The following ADCK2 variants were observed in gnomAD, a reference collection of about 807,000 sequenced individuals.
ADCK2 encodes uncharacterized aarF domain-containing protein kinase 2.
Under a neutral mutation model 52.3 loss-of-function variants are expected in ADCK2, and 37 were observed. The ratio of observed to expected loss-of-function variants is 0.71; its 90% CI spans 0.54 to 0.93. The LOEUF (loss-of-function observed/expected upper bound fraction) is 0.93, where lower values mean the gene tolerates loss of function less well. Ranked by LOEUF, ADCK2 falls within the 40% of genes least tolerant of loss-of-function variation. The pLI, the probability that ADCK2 is intolerant of heterozygous loss-of-function variation, is 0.00. For missense variants in ADCK2, 695 were observed against 798.7 expected (o/e 0.87, Z 1.56); for synonymous variants, 321 against 349.2 (o/e 0.92, Z 0.90).
In ADCK2 at chr7:140,681,054, G is replaced by C; in HGVS notation, c.1222G>C (p.Val408Leu). 1 of 1,614,116 alleles carries C rather than the reference G, an allele frequency of 6.2e-7. No individual in the cohort carries two copies. Among genetic ancestry groups the C allele is most frequent in the Non-Finnish European group, 8.5e-7 (1 of 1,180,010 alleles). ...GGTCTTTCTGAAGGAGAGTGTGCCT[G>C]TGTCCAGTTACCAGCAGGCAGGAAT... The part of the protein sequence containing the change: ...LVETYEESVP[V>L]SSYQQAGIPV... The change falls in exon 4 of 8, where the codon GTG (valine) becomes CTG (leucine). Residue 408 changes from valine to leucine, a missense_variant. Coordinates refer to ENST00000072869, the MANE Select transcript of ADCK2 (RefSeq NM_052853.4).
intron 5 of ADCK2, 31 bp downstream of exon 5, chr7:140,687,272 G>T: frequency 6.6e-7 from 1 of 1,519,942 alleles, no homozygotes; most frequent in Non-Finnish European, 8.9e-7. Flanking sequence ...AGAAGTTGGG[G>T]TGAATTTTTT....
At chr7:140,680,286 T>C (rs1422584197) in intron 3 of ADCK2, among the ~76,000 whole-genome samples, 1 of 151,664 alleles carries the variant, frequency 6.6e-6, no homozygotes, top group Non-Finnish European at 1.5e-5. Flanking sequence ...GCTGGGACCA[T>C]AGGCACGAGC....
rs1196833825 is a variant in ADCK2, at chr7:140,682,989, ACT to A, written c.1305+1855_1305+1856del. Among the ~76,000 whole-genome samples, 3 of 115,156 alleles carry A rather than the reference ACT, an allele frequency of 2.6e-5. No individual in the cohort carries two copies. In the East Asian group the frequency reaches 7.4e-4, roughly 28 times the overall value. 75.5% of individuals were successfully genotyped at this position (115,156 alleles called of 152,430 possible). ...GCACTCCAACCTCAGATACAATGAG[ACT>A]CTGTCTCAAAAAAAAAAAAAAAAAA... On this transcript the variant is annotated intron_variant, in intron 4 of 7. Coordinates refer to ENST00000072869, the MANE Select transcript of ADCK2 (RefSeq NM_052853.4).
Position 140,674,160 on chromosome 7 carries a change from T to C in ADCK2, c.830T>C (p.Leu277Pro). 1 of 1,614,022 alleles carries C rather than the reference T, an allele frequency of 6.2e-7. No individual in the cohort carries two copies. The highest frequency in any genetic ancestry group is 8.5e-7 in the Non-Finnish European group (1 of 1,180,026). The change falls in exon 1 of 8, where the codon CTC (leucine) becomes CCC (proline). Residue 277 changes from leucine (L) to proline (P), a missense_variant. By Grantham distance (98) the Leu-to-Pro change is moderately conservative. Transcript: ENST00000072869. The surrounding 1 kb of genome is among the most constrained non-coding windows in gnomAD (Gnocchi z 4.6). The part of the protein sequence containing the change: ...LADQSFLERL[L>P]LPKADLVGSN... ...GACCAGTCGTTTCTAGAAAGGCTGC[T>C]CCTCCCTAAAGCTGACCTGGTTGGA... is the stretch of plus-strand genomic sequence containing the variant.
chr7:140,679,115 C>T, intron 2 of ADCK2, 40 bp from the exon 3 acceptor site: 1 of 1,608,962 alleles, frequency 6.2e-7, no homozygotes, highest in Non-Finnish European at 8.5e-7. Flanking sequence ...TGTGCCTGTA[C>T]CCAGACTAGC....
At chr7:140,691,778 C>T (rs1259220017) in intron 7 of ADCK2, among the ~76,000 whole-genome samples, 1 of 152,242 alleles carries the variant, frequency 6.6e-6, no homozygotes. Flanking sequence ...AATTTATCCC[C>T]TCAGTCTTCC....
At chr7:140,687,272 G>A in intron 5 of ADCK2, 31 bp downstream of exon 5, 5 of 1,519,942 alleles carry the variant, frequency 3.3e-6, no homozygotes, top group Non-Finnish European at 4.4e-6. Flanking sequence ...AGAAGTTGGG[G>A]TGAATTTTTT....
At position 140,673,486 on chromosome 7, in the gene ADCK2, C is replaced by A; in HGVS notation, c.156C>A (p.Ser52=). 3 of 1,607,212 alleles carry A rather than the reference C, an allele frequency of 1.9e-6. No individual in the cohort carries two copies. Among genetic ancestry groups the A allele is most frequent in the Non-Finnish European group, 2.5e-6 (3 of 1,178,084 alleles). Residue 52 remains serine, a synonymous_variant, in exon 1 of 8, where the codon TCC becomes TCA. Coordinates refer to ENST00000072869, the MANE Select transcript of ADCK2 (RefSeq NM_052853.4). The surrounding 1 kb of genome is among the most constrained non-coding windows in gnomAD (Gnocchi z 6.4). ...TGGGCACTTTGCCCAAGGTCGTCTC[C>A]CTGTGCGGGGACGTGGGTGAGGGGG... is the stretch of plus-strand genomic sequence containing the variant. ...LLLGTLPKVV[S]LCGDVGEGAP... is the part of the protein sequence containing the mutation.
intron 4 of ADCK2, among the ~76,000 whole-genome samples, chr7:140,684,989 C>G (rs115085519): frequency 6.6e-6 from 1 of 151,828 alleles, no homozygotes; most frequent in African/African-American, 2.4e-5. Flanking sequence ...AGGAGTGGAG[C>G]GAGGATGAGG....
At position 140,674,600 on chromosome 7, in the gene ADCK2, C is replaced by T; in HGVS notation, c.934-11C>T. 6.2e-7 allele frequency: 1 copy of T among 1,603,982 alleles called. No homozygotes were observed. The highest frequency in any genetic ancestry group is 8.5e-7 in the Non-Finnish European group (1 of 1,172,482). ...AGGTTTCTCCTGTCTCACGGTTCCT[C>T]TTTCTGACAGGTGTTGCACCCTGGC... On this transcript the variant is annotated splice_polypyrimidine_tract_variant and intron_variant, in intron 1 of 7. Transcript: ENST00000072869. This position sits in a 1 kb window ranked among gnomAD's most constrained non-coding sequence, Gnocchi z 4.6.
chr7:140,679,017 G>A (rs1464118577), intron 2 of ADCK2, 138 bp from the exon 3 acceptor site: 1 of 1,144,138 alleles, frequency 8.7e-7, no homozygotes, highest in African/African-American at 1.6e-5. Context: ...CGCCTCCTGA[G>A]TTTCTGGGCA....
intron 5 of ADCK2, 122 bp from the exon 6 acceptor site, chr7:140,689,475 G>T: frequency 1.6e-6 from 2 of 1,245,710 alleles, no homozygotes; most frequent in East Asian, 2.5e-5. Context: ...CGAGGAGGAA[G>T]AGCCAAAAGC....
intron 2 of ADCK2, among the ~76,000 whole-genome samples, chr7:140,677,779 T>C (rs557023198): frequency 6.6e-6 from 1 of 152,248 alleles, no homozygotes; most frequent in South Asian, 2.1e-4. Flanking sequence ...GAGGACTTGG[T>C]TGGTGTCCTT....
chr7:140,687,956 C>T (rs2130789675), intron 5 of ADCK2, among the ~76,000 whole-genome samples: 1 of 151,676 alleles, frequency 6.6e-6, no homozygotes, highest in East Asian at 1.9e-4. Context: ...TGGCCTCAAG[C>T]CATCCTCCCA....
At position 140,673,961 on chromosome 7, in the gene ADCK2, G is replaced by A; in HGVS notation, c.631G>A (p.Val211Met). 1.2e-6 allele frequency: 2 copies of A among 1,614,008 alleles called. No individual in the cohort carries two copies. Among genetic ancestry groups the A allele is most frequent in the Non-Finnish European group, 1.7e-6 (2 of 1,180,036 alleles). ...CCGGGAACCTGTGGGCTCAGGCTGC[G>A]TGGCCCAGGTGTACAAAGCATACGC... is the stretch of plus-strand genomic sequence containing the variant. ...ENREPVGSGC[V>M]AQVYKAYANT... The change falls in exon 1 of 8, where the codon GTG (valine) becomes ATG (methionine). Residue 211 changes from valine (V) to methionine (M), a missense_variant. Coordinates refer to ENST00000072869, the MANE Select transcript of ADCK2 (RefSeq NM_052853.4). The surrounding 1 kb of genome is among the most constrained non-coding windows in gnomAD (Gnocchi z 6.4).
At position 140,674,033 on chromosome 7, in the gene ADCK2, G is replaced by A. The variant is rs1237618441; in HGVS notation, c.703G>A (p.Ala235Thr). 1.7e-5 allele frequency: 28 copies of A among 1,614,018 alleles called. No homozygotes were observed. Among genetic ancestry groups the A allele is most frequent in the Non-Finnish European group, 2.3e-5 (27 of 1,180,046 alleles). The change falls in exon 1 of 8, where the codon GCC becomes ACC. Residue 235 changes from alanine (A) to threonine (T), a missense_variant. Ala to Thr is a moderately conservative substitution (Grantham distance 58, BLOSUM62 0). Transcript: ENST00000072869. The surrounding 1 kb of genome is among the most constrained non-coding windows in gnomAD (Gnocchi z 4.6). The part of the protein sequence containing the change: ...ETDSVQRLGR[A>T]SCLPPFSHTG... ...TGACAGCGTCCAGAGACTTGGCAGG[G>A]CCTCCTGTCTGCCGCCCTTCTCACA... is the stretch of plus-strand genomic sequence containing the variant.
rs147151212 is a variant in ADCK2, at chr7:140,673,530, G to A, written c.200G>A (p.Arg67Gln). The part of the protein sequence containing the change: ...VGEGAPDVLS[R>Q]RRVRCSGAAG... ...GAGGGGGCCCCTGACGTTCTGAGTC[G>A]GCGAAGGGTCCGCTGCAGCGGGGCG... Residue 67 changes from arginine to glutamine, a missense_variant, in exon 1 of 8, where the codon CGG becomes CAG. Physicochemically the swap from Arg to Gln is conservative, Grantham distance 43. Coordinates refer to ENST00000072869, the MANE Select transcript of ADCK2 (RefSeq NM_052853.4). This position sits in a 1 kb window ranked among gnomAD's most constrained non-coding sequence, Gnocchi z 6.4. The A allele has an allele frequency of 1.8e-3, 2,846 of 1,600,018 alleles. 51 individuals are homozygous for A. The African/African-American group carries it at 0.033, about 18-fold the overall frequency.
At position 140,673,429 on chromosome 7, in the gene ADCK2, C is replaced by G. The variant is rs1295876974; in HGVS notation, c.99C>G (p.Cys33Trp). 2 of 1,603,434 alleles carry G rather than the reference C, an allele frequency of 1.2e-6. No individual in the cohort carries two copies. The highest frequency in any genetic ancestry group is 8.5e-7 in the Non-Finnish European group (1 of 1,175,240). ...QGLSLLRPSECPRDARLCWLL... is the reference protein window; with the variant it reads ...QGLSLLRPSEWPRDARLCWLL... ...TCAGCCTCCTGAGGCCCTCCGAGTGCCCTCGCGATGCCAGGCTCTGCTGGC... is the reference window on the plus strand; with the variant it reads ...TCAGCCTCCTGAGGCCCTCCGAGTGGCCTCGCGATGCCAGGCTCTGCTGGC... The change falls in exon 1 of 8, where the codon TGC (cysteine) becomes TGG (tryptophan). Residue 33 changes from cysteine (C) to tryptophan (W), a missense_variant. Coordinates refer to ENST00000072869, the MANE Select transcript of ADCK2 (RefSeq NM_052853.4). This position sits in a 1 kb window ranked among gnomAD's most constrained non-coding sequence, Gnocchi z 6.4.
At position 140,673,682 on chromosome 7, in the gene ADCK2, C is replaced by T. The variant is rs546451203; in HGVS notation, c.352C>T (p.Pro118Ser). The T allele has an allele frequency of 1.8e-5, 29 of 1,611,652 alleles. No individual in the cohort carries two copies. The highest frequency in any genetic ancestry group is 1.6e-4 in the Middle Eastern group (1 of 6,084). ...ATTCTTCCCCCTCCTACTCCTCTAC[C>T]CCCTCACCTACCTGGCTCCCAGCGT... The part of the protein sequence containing the change: ...VKFFPLLLLY[P>S]LTYLAPSVST... Residue 118 changes from proline (P) to serine (S), a missense_variant, in exon 1 of 8, where the codon CCC becomes TCC. By Grantham distance (74) the Pro-to-Ser change is moderately conservative. Coordinates refer to ENST00000072869, the MANE Select transcript of ADCK2 (RefSeq NM_052853.4). The surrounding 1 kb of genome is among the most constrained non-coding windows in gnomAD (Gnocchi z 6.4).
Sources: gnomAD v4.1 joint callset for allele counts (sites outside exome capture counted in the v4.1 genomes callset) on GRCh38, gnomAD v4.1.1 for gene constraint, Gnocchi (gnomAD v3.1) non-coding constraint, MANE v1.5 for transcripts, NCBI Gene and HGNC (gene_info 2026-07-23, HGNC 2026-07-21) for gene names.